GLIS3: variants seen among roughly 807,000 people sequenced by gnomAD.
GLIS3 encodes the protein zinc finger protein GLIS3.
In GLIS3, 53 loss-of-function variants were observed where a neutral mutation model predicts 78.6. The ratio of observed to expected loss-of-function variants is 0.67; its 90% CI spans 0.54 to 0.85. GLIS3 has a LOEUF of 0.85. Among genes scored for constraint, GLIS3 ranks in the 40% least tolerant of loss-of-function variants. The pLI, the probability that GLIS3 is intolerant of heterozygous loss-of-function variation, is 0.00. For synonymous variants in GLIS3, 684 were observed against 509.9 expected (o/e 1.34, Z -4.60); for missense variants, 1,703 against 1,231.1 (o/e 1.38, Z -5.74).
At chr9:3,830,436 C>T (rs1223878968) in intron 9 of GLIS3, among the ~76,000 whole-genome samples, 1 of 152,216 alleles carries the variant, frequency 6.6e-6, no homozygotes, top group African/African-American at 2.4e-5. Context: ...TGTTAACTCT[C>T]TACATTTCCT....
chr9:4,435,817 C>T, the GLIS3 span, among the ~76,000 whole-genome samples: 34 of 152,256 alleles, frequency 2.2e-4, no homozygotes, highest in Non-Finnish European at 2.6e-4. Context: ...GGCGTGGTGG[C>T]AGGCTCCTGT....
chr9:4,470,454 G>A, the GLIS3 span, among the ~76,000 whole-genome samples: 2 of 152,152 alleles, frequency 1.3e-5, no homozygotes, highest in African/African-American at 4.8e-5. Flanking sequence ...TTCAACATAT[G>A]CAAATCAATA....
At chr9:3,915,800 T>C (rs903467523) in intron 6 of GLIS3, among the ~76,000 whole-genome samples, 10 of 152,180 alleles carry the variant, frequency 6.6e-5, no homozygotes, top group Non-Finnish European at 2.9e-5. Context: ...GAGTCATGTA[T>C]GCTGGTAATT....
chr9:4,058,747 A>G (rs1026400733), intron 4 of GLIS3, among the ~76,000 whole-genome samples: 15 of 152,198 alleles, frequency 9.9e-5, no homozygotes, highest in South Asian at 2.1e-4. Flanking sequence ...TTGGGAGGCC[A>G]AGGCGGGCGG....
At chr9:4,223,885 A>G (rs576906247) in intron 2 of GLIS3, among the ~76,000 whole-genome samples, 1 of 152,286 alleles carries the variant, frequency 6.6e-6, no homozygotes, top group South Asian at 2.1e-4. Context: ...GTTCTCTAAT[A>G]AATTTCTGAT....
At chr9:4,379,768 A>C in the GLIS3 span, among the ~76,000 whole-genome samples, 4 of 152,254 alleles carry the variant, frequency 2.6e-5, no homozygotes, top group Non-Finnish European at 5.9e-5. Flanking sequence ...GTATTTTCAA[A>C]TATCTTTTTG....
chr9:4,405,797 G>C, the GLIS3 span, among the ~76,000 whole-genome samples: 1 of 150,992 alleles, frequency 6.6e-6, no homozygotes, highest in Non-Finnish European at 1.5e-5. Context: ...TATCTCTGAT[G>C]AATATTGATA....
chr9:4,349,644 A>G (rs1011956294), upstream of GLIS3, among the ~76,000 whole-genome samples: 7 of 152,350 alleles, frequency 4.6e-5, no homozygotes, highest in South Asian at 6.2e-4. Flanking sequence ...ACTAGCAAAA[A>G]TAAGATTCCA....
intron 2 of GLIS3, among the ~76,000 whole-genome samples, chr9:4,176,106 G>C (rs920091371): frequency 2.0e-5 from 3 of 152,068 alleles, no homozygotes; most frequent in South Asian, 4.2e-4. Context: ...TGAAAGGCAG[G>C]CTCTAGCCCC....
At chr9:3,917,245 T>C (rs150880295) in intron 6 of GLIS3, among the ~76,000 whole-genome samples, 300 of 152,338 alleles carry the variant, frequency 2.0e-3, no homozygotes, top group Non-Finnish European at 3.9e-3. Context: ...CTGGTGTTCC[T>C]GGTACCAGCA....
At chr9:4,186,706 T>C (rs1026300270) in intron 2 of GLIS3, among the ~76,000 whole-genome samples, 1 of 151,958 alleles carries the variant, frequency 6.6e-6, no homozygotes, top group Non-Finnish European at 1.5e-5. Flanking sequence ...TGGTGTGAGA[T>C]GGTATCTCAT....
At chr9:4,112,699 G>T (rs1164803389) in intron 4 of GLIS3, among the ~76,000 whole-genome samples, 1 of 152,154 alleles carries the variant, frequency 6.6e-6, no homozygotes, top group African/African-American at 2.4e-5. Flanking sequence ...CTAAAAAAAT[G>T]ATATGGGTGG....
At chr9:3,932,291 A>G (rs1825670168) in intron 6 of GLIS3, 69 bp downstream of exon 6, 2 of 1,218,436 alleles carry the variant, frequency 1.6e-6, no homozygotes, top group Admixed American at 3.4e-5. Flanking sequence ...TGCCCTGCAG[A>G]AGCTTCGTGT....
intron 4 of GLIS3, among the ~76,000 whole-genome samples, chr9:4,049,511 G>A (rs974796060): frequency 1.3e-5 from 2 of 152,148 alleles, no homozygotes; most frequent in Admixed American, 6.5e-5. Flanking sequence ...ATGCCGGCAG[G>A]AGTGTCGTGT....
Position 4,286,365 on chromosome 9 carries a change from T to C in GLIS3, c.61A>G (p.Arg21Gly), listed in dbSNP as rs199527360. The C allele has an allele frequency of 1.3e-4, 203 of 1,614,184 alleles. 2 individuals carry two copies. In the African/African-American group the frequency reaches 2.5e-3, roughly 20 times the overall value. The change falls in exon 2 of 11, where the codon AGG becomes GGG. Residue 21 changes from arginine to glycine, a missense_variant. Transcript: ENST00000381971. ...HRTSGTPQGP[R>G]MVSGHHIPAI... is the part of the protein sequence containing the mutation. ...GGAATGTGATGACCACTGACCATCC[T>C]AGGCCCCTGTGGGGTTCCCGATGTC...
chr9:4,458,374 A>C, the GLIS3 span, among the ~76,000 whole-genome samples: 2 of 152,110 alleles, frequency 1.3e-5, no homozygotes, highest in African/African-American at 4.8e-5. Flanking sequence ...ATAATGAACA[A>C]ATGTACAAAT....
chr9:4,175,368 A>C (rs1488229477), intron 2 of GLIS3, among the ~76,000 whole-genome samples: 1 of 152,224 alleles, frequency 6.6e-6, no homozygotes, highest in Non-Finnish European at 1.5e-5. Flanking sequence ...GAGGCAGAGA[A>C]AGAGGTCTGA....
the GLIS3 span, among the ~76,000 whole-genome samples, chr9:4,419,719 G>A: frequency 1.3e-5 from 2 of 152,098 alleles, no homozygotes; most frequent in Non-Finnish European, 2.9e-5. Flanking sequence ...GGCAGAAGTT[G>A]CAGTGAGCCG....
At chr9:4,185,248 T>C (rs910580016) in intron 2 of GLIS3, among the ~76,000 whole-genome samples, 1 of 152,244 alleles carries the variant, frequency 6.6e-6, no homozygotes, top group African/African-American at 2.4e-5. Flanking sequence ...TAGCATAATT[T>C]TTCTTGAAGT....
Sources: allele counts gnomAD v4.1 joint callset (sites outside exome capture counted in the v4.1 genomes callset), GRCh38; gene constraint gnomAD v4.1.1; transcripts MANE v1.5; gene names NCBI Gene and HGNC (gene_info 2026-07-23, HGNC 2026-07-21).